The following RGS22 variants were observed in gnomAD, a reference collection of about 807,000 sequenced individuals.
RGS22 encodes regulator of G-protein signaling 22.
In RGS22, 148 loss-of-function variants were observed where a neutral mutation model predicts 172.9. That is an observed-to-expected ratio of 0.86 (90% CI 0.75 to 0.98). The LOEUF is 0.98. Ranked by LOEUF, RGS22 falls within the 50% of genes least tolerant of loss-of-function variation. RGS22 has a pLI of 0.00. For synonymous variants in RGS22, 458 were observed against 480.2 expected (o/e 0.95, Z 0.60); for missense variants, 1,347 against 1,440.8 (o/e 0.93, Z 1.05).
In RGS22 at chr8:100,071,357, T is replaced by A. The variant is rs1483882788; in HGVS notation, c.594+12A>T. 6.3e-7 allele frequency: 1 copy of A among 1,583,532 alleles called. No individual in the cohort carries two copies. The highest frequency in any genetic ancestry group is 1.4e-5 in the African/African-American group (1 of 73,132). Reference sequence around the variant, plus strand: ...GAAGCGCTAAGTCATGAAAAAATGCTCATACTTTTACCTCACCAAGTGATA... The same window carrying A: ...GAAGCGCTAAGTCATGAAAAAATGCACATACTTTTACCTCACCAAGTGATA... On this transcript the variant is annotated intron_variant, in intron 6 of 27. Coordinates refer to ENST00000360863, the MANE Select transcript of RGS22 (RefSeq NM_015668.5).
At chr8:99,964,943 A>G (rs1810573449) in intron 24 of RGS22, among the ~76,000 whole-genome samples, 1 of 152,208 alleles carries the variant, frequency 6.6e-6, no homozygotes. Context: ...TAATTTTATG[A>G]CTACTTCAAA....
At chr8:100,078,685 G>C (rs992567288) in intron 4 of RGS22, among the ~76,000 whole-genome samples, 2 of 151,958 alleles carry the variant, frequency 1.3e-5, no homozygotes, top group Non-Finnish European at 2.9e-5. Flanking sequence ...GAATGCAGTG[G>C]TGTGATCACA....
Position 100,047,656 on chromosome 8 carries a change from C to T in RGS22, c.1690-60G>A, listed in dbSNP as rs901257194. 6.2e-6 allele frequency: 9 copies of T among 1,449,102 alleles called. No individual in the cohort carries two copies. In the African/African-American group the frequency reaches 8.7e-5, roughly 14 times the overall value. 89.8% of individuals were successfully genotyped at this position (1,449,102 alleles called of 1,614,324 possible). A position where few individuals can be genotyped will look rare whatever the true frequency, so the allele number is the denominator to read the frequency against. On this transcript the variant is annotated intron_variant, in intron 10 of 27. Transcript: ENST00000360863. ...GAGAGAAAAAAGCACAGCTCTGCACCTATACCTCAAATTTGTTCTCATCAC... is the reference window on the plus strand; with the variant it reads ...GAGAGAAAAAAGCACAGCTCTGCACTTATACCTCAAATTTGTTCTCATCAC...
Position 99,965,330 on chromosome 8 carries a change from C to T in RGS22, c.3615+5G>A. ...AATGAGGTCTGCACCATCTTGCATG[C>T]TTACCTGTCGGCCATATGGTTGGAG... On this transcript the variant is annotated splice_donor_5th_base_variant and intron_variant, in intron 24 of 27. Transcript: ENST00000360863. 1 of 1,607,682 alleles carries T rather than the reference C, an allele frequency of 6.2e-7. No individual in the cohort carries two copies. The highest frequency in any genetic ancestry group is 8.5e-7 in the Non-Finnish European group (1 of 1,174,384).
chr8:99,987,508 C>T lies in RGS22; in HGVS notation c.3130G>A (p.Asp1044Asn). 1 of 1,611,564 alleles carries T rather than the reference C, an allele frequency of 6.2e-7. No individual in the cohort carries two copies. The highest frequency in any genetic ancestry group is 8.5e-7 in the Non-Finnish European group (1 of 1,178,664). The part of the protein sequence containing the change: ...QFQRFVALKG[D>N]LLENGLLFWQ... ...AAGAGTAAACCATTTTCCAATAAAT[C>T]TCCTTTTAGAGCCACAAAACGTTGA... The change falls in exon 21 of 28, where the codon GAT becomes AAT. Residue 1044 changes from aspartate (D) to asparagine (N), a missense_variant. By Grantham distance (23) the Asp-to-Asn change is conservative. Transcript: ENST00000360863.
chr8:100,002,985 A>C (rs1350477589), intron 17 of RGS22: 1 of 153,078 alleles, frequency 6.5e-6, no homozygotes, highest in Non-Finnish European at 1.5e-5. Flanking sequence ...ACTTGAACCC[A>C]GGAGACGGAG....
At chr8:100,071,867 C>T (rs138590005) in intron 5 of RGS22, among the ~76,000 whole-genome samples, 58 of 152,288 alleles carry the variant, frequency 3.8e-4, no homozygotes, top group East Asian at 2.7e-3. Flanking sequence ...CATTGTTAAA[C>T]GCCCTGCACC....
intron 16 of RGS22, among the ~76,000 whole-genome samples, chr8:100,005,432 G>A (rs1372398846): frequency 1.3e-5 from 2 of 152,028 alleles, no homozygotes; most frequent in Non-Finnish European, 2.9e-5. Flanking sequence ...TCAATTAACT[G>A]TCATTTTTAT....
intron 10 of RGS22, among the ~76,000 whole-genome samples, chr8:100,047,960 A>T (rs1381248560): frequency 1.2e-5 from 1 of 81,062 alleles, no homozygotes; most frequent in African/African-American, 7.3e-5. Context: ...CTGTGTGTGT[A>T]CTGGGGGGGG....
chr8:100,065,181 A>C (rs1441385557), intron 7 of RGS22, among the ~76,000 whole-genome samples: 4 of 152,158 alleles, frequency 2.6e-5, no homozygotes, highest in Non-Finnish European at 5.9e-5. Flanking sequence ...TTTTTATTGC[A>C]AGTAAATTCC....
chr8:100,031,078 C>T lies in RGS22; in HGVS notation c.2166+7853G>A, dbSNP rs115414071. Among the ~76,000 whole-genome samples the T allele has an allele frequency of 5.4e-3, 816 of 152,160 alleles. 7 individuals are homozygous for T. Among genetic ancestry groups the T allele is most frequent in the Middle Eastern group, 0.034 (10 of 294 alleles). On this transcript the variant is annotated intron_variant, in intron 14 of 27. Transcript: ENST00000360863. ...ACAGATTTCCGTATACATGTCAAAA[C>T]TGTAAGGGTAAAAAGAGAAATATAA...
At position 100,063,990 on chromosome 8, in the gene RGS22, T is replaced by C; in HGVS notation, c.778A>G (p.Lys260Glu). 1.3e-6 allele frequency: 2 copies of C among 1,557,384 alleles called. No homozygotes were observed. The highest frequency in any genetic ancestry group is 1.7e-6 in the Non-Finnish European group (2 of 1,156,602). ...AATTCAGAAATCAATTTGTTGGTTT[T>C]AGATGGGTCCTTTTTTGTCCTAGGG... is the stretch of plus-strand genomic sequence containing the variant. ...VHPRTKKDPS[K>E]TNKLISEFEE... Residue 260 changes from lysine (K) to glutamate (E), a missense_variant, in exon 8 of 28, where the codon AAA becomes GAA. Physicochemically the swap from Lys to Glu is moderately conservative, Grantham distance 56 (BLOSUM62 1). Transcript: ENST00000360863.
intron 25 of RGS22, 21 bp from the exon 26 acceptor site, chr8:99,962,788 T>C (rs764386459): frequency 8.8e-6 from 14 of 1,591,064 alleles, no homozygotes; most frequent in Non-Finnish European, 1.2e-5. Context: ...ATAAAAGAGA[T>C]AAGAAAAACA....
intron 9 of RGS22, among the ~76,000 whole-genome samples, chr8:100,055,754 C>T (rs1417878896): frequency 6.6e-6 from 1 of 152,202 alleles, no homozygotes; most frequent in Non-Finnish European, 1.5e-5. Context: ...TATCCCTTTG[C>T]TCTTCCTTTG....
Position 100,063,983 on chromosome 8 carries a change from T to G in RGS22, c.785A>C (p.Asn262Thr). ...PRTKKDPSKT[N>T]KLISEFEEEE... ...TTCTTCAAATTCAGAAATCAATTTG[T>G]TGGTTTTAGATGGGTCCTTTTTTGT... Residue 262 changes from asparagine to threonine, a missense_variant, in exon 8 of 28, where the codon AAC becomes ACC. Physicochemically the swap from Asn to Thr is moderately conservative, Grantham distance 65 (BLOSUM62 0). Transcript: ENST00000360863. 6.4e-7 allele frequency: 1 copy of G among 1,567,000 alleles called. No individual in the cohort carries two copies. The highest frequency in any genetic ancestry group is 8.6e-7 in the Non-Finnish European group (1 of 1,160,432).
chr8:100,049,811 G>T (rs186485977), intron 10 of RGS22, among the ~76,000 whole-genome samples: 201 of 152,238 alleles, frequency 1.3e-3, no homozygotes, highest in Non-Finnish European at 2.0e-3. Flanking sequence ...ACTTTGGGAG[G>T]CCAAGGCGGG....
chr8:100,005,968 C>A (rs776178716), intron 16 of RGS22, 49 bp downstream of exon 16: 11 of 1,409,476 alleles, frequency 7.8e-6, no homozygotes, highest in South Asian at 5.9e-5. Context: ...AAAGTGGTAA[C>A]CCTCTCCAGG....
chr8:100,077,348 G>C (rs2131881216), intron 4 of RGS22, among the ~76,000 whole-genome samples: 1 of 151,772 alleles, frequency 6.6e-6, no homozygotes, highest in East Asian at 1.9e-4. Flanking sequence ...GATTTATTTA[G>C]TCTTCTCTAT....
At chr8:100,098,492 C>A (rs1423468984) in intron 2 of RGS22, among the ~76,000 whole-genome samples, 1 of 152,174 alleles carries the variant, frequency 6.6e-6, no homozygotes, top group Non-Finnish European at 1.5e-5. Flanking sequence ...CAAAAGCCCG[C>A]ATATCAGATC....
Sources: gnomAD v4.1 joint callset for allele counts (sites outside exome capture counted in the v4.1 genomes callset) on GRCh38, gnomAD v4.1.1 for gene constraint, MANE v1.5 for transcripts, NCBI Gene and HGNC (gene_info 2026-07-23, HGNC 2026-07-21) for gene names.